Variants in ZNF92 observed in about 807,000 individuals in gnomAD.
ZNF92 encodes the protein epididymis luminal protein 203.
Under a neutral mutation model 12.4 loss-of-function variants are expected in ZNF92, and 11 were observed. The ratio of observed to expected loss-of-function variants is 0.89; its 90% CI spans 0.56 to 1.47. ZNF92 has a LOEUF of 1.47. ZNF92 is among the 40% of genes most tolerant of loss of function. The pLI is 0.00. For synonymous variants in ZNF92, 206 were observed against 228.6 expected (o/e 0.90, Z 0.89); for missense variants, 622 against 681.0 (o/e 0.91, Z 0.96).
intron 1 of ZNF92, among the ~76,000 whole-genome samples, chr7:65,378,822 A>C (rs924554349): frequency 3.3e-5 from 5 of 152,162 alleles, no homozygotes; most frequent in Non-Finnish European, 7.4e-5. Context: ...TAAAATGTGC[A>C]GTCTTTATCT....
chr7:65,391,152 A>G (rs1793698986), intron 3 of ZNF92, among the ~76,000 whole-genome samples: 1 of 152,070 alleles, frequency 6.6e-6, no homozygotes, highest in Admixed American at 6.6e-5. Context: ...GTCTTGCTTC[A>G]TAACCCATTC....
At position 65,398,478 on chromosome 7, in the gene ZNF92, G is replaced by C; in HGVS notation, c.364G>C (p.Ala122Pro). 1.2e-6 allele frequency: 2 copies of C among 1,613,304 alleles called. No homozygotes were observed. Among genetic ancestry groups the C allele is most frequent in the Non-Finnish European group, 1.7e-6 (2 of 1,179,696 alleles). Reference protein sequence around the residue: ...QLRKDHKSVDACKVYKGGYNG... With the variant: ...QLRKDHKSVDPCKVYKGGYNG... ...AAGAAAAGACCATAAAAGTGTGGAT[G>C]CATGTAAGGTGTACAAAGGAGGTTA... The change falls in exon 4 of 4, where the codon GCA becomes CCA. Residue 122 changes from alanine (A) to proline (P), a missense_variant. Physicochemically the swap from Ala to Pro is conservative, Grantham distance 27. Coordinates refer to ENST00000328747, the MANE Select transcript of ZNF92 (RefSeq NM_152626.4).
At chr7:65,391,506 A>G (rs1793707427) in intron 3 of ZNF92, among the ~76,000 whole-genome samples, 1 of 152,128 alleles carries the variant, frequency 6.6e-6, no homozygotes, top group Non-Finnish European at 1.5e-5. Flanking sequence ...TATAAATTTA[A>G]GTTTGCGGCA....
chr7:65,391,040 C>T (rs1250960065), intron 3 of ZNF92, among the ~76,000 whole-genome samples: 1 of 152,062 alleles, frequency 6.6e-6, no homozygotes, highest in East Asian at 1.9e-4. Flanking sequence ...TGAATGAGGG[C>T]CTGCCTTCTA....
chr7:65,377,421 C>T (rs867391941), intron 1 of ZNF92, among the ~76,000 whole-genome samples: 1 of 152,048 alleles, frequency 6.6e-6, no homozygotes, highest in South Asian at 2.1e-4. Flanking sequence ...GCTGGGGACC[C>T]ACAGGCAGAT....
intron 2 of ZNF92, 73 bp downstream of exon 2, chr7:65,388,101 G>T: frequency 6.7e-7 from 1 of 1,482,416 alleles, no homozygotes; most frequent in Non-Finnish European, 9.0e-7. Context: ...AATGTTTTTT[G>T]GTAATTTATG....
At chr7:65,394,171 T>C (rs1793792185) in intron 3 of ZNF92, among the ~76,000 whole-genome samples, 1 of 152,142 alleles carries the variant, frequency 6.6e-6, no homozygotes. Context: ...CTTTCCTCTA[T>C]ATTGTTCCTA....
intron 3 of ZNF92, among the ~76,000 whole-genome samples, chr7:65,389,293 C>T (rs1196585175): frequency 6.6e-6 from 1 of 151,820 alleles, no homozygotes; most frequent in Non-Finnish European, 1.5e-5. Context: ...GAAGCTGTTT[C>T]CAAAAAAAAT....
chr7:65,395,815 C>G (rs914344941), intron 3 of ZNF92, among the ~76,000 whole-genome samples: 1 of 152,112 alleles, frequency 6.6e-6, no homozygotes, highest in African/African-American at 2.4e-5. Flanking sequence ...ATTGTGGTTG[C>G]AATTTGTATA....
intron 1 of ZNF92, among the ~76,000 whole-genome samples, chr7:65,380,624 A>G (rs568775973): frequency 6.6e-6 from 1 of 152,172 alleles, no homozygotes; most frequent in South Asian, 2.1e-4. Flanking sequence ...GGTTAATTCC[A>G]TGTCTTTGGT....
At chr7:65,392,142 ATG>A (rs1363212306) in intron 3 of ZNF92, among the ~76,000 whole-genome samples, 1 of 152,030 alleles carries the variant, frequency 6.6e-6, no homozygotes, top group Non-Finnish European at 1.5e-5. Context: ...CTGATTATAT[ATG>A]TGTGTGTTTT....
At chr7:65,387,775 C>T (rs894311642) in intron 1 of ZNF92, 127 bp from the exon 2 acceptor site, 4 of 1,090,236 alleles carry the variant, frequency 3.7e-6, no homozygotes, top group African/African-American at 1.6e-5. Flanking sequence ...TGGATCATTT[C>T]AGTCACTCCT....
intron 2 of ZNF92, 137 bp downstream of exon 2, chr7:65,388,165 G>A (rs142803286): frequency 1.0e-6 from 1 of 952,758 alleles, no homozygotes; most frequent in Admixed American, 2.9e-5. Context: ...AGATTTGTCA[G>A]TATAGAAAAG....
intron 1 of ZNF92, among the ~76,000 whole-genome samples, chr7:65,381,116 C>G (rs180765183): frequency 6.6e-6 from 1 of 152,092 alleles, no homozygotes; most frequent in African/African-American, 2.4e-5. Context: ...TGGGTTCAAG[C>G]AATTCTCCCT....
At chr7:65,385,466 TGTTAA>T (rs1226650403) in intron 1 of ZNF92, among the ~76,000 whole-genome samples, 1 of 151,804 alleles carries the variant, frequency 6.6e-6, no homozygotes, top group African/African-American at 2.4e-5. Context: ...CATTCGTGAG[TGTTAA>T]GTTCTATCTT....
intron 3 of ZNF92, among the ~76,000 whole-genome samples, chr7:65,392,036 G>C (rs1176163012): frequency 1.3e-5 from 2 of 151,948 alleles, no homozygotes; most frequent in Non-Finnish European, 2.9e-5. Flanking sequence ...TTTGTTTCTT[G>C]TTTTTACGGT....
chr7:65,381,727 G>A (rs779243526), intron 1 of ZNF92, among the ~76,000 whole-genome samples: 2 of 152,070 alleles, frequency 1.3e-5, no homozygotes, highest in Non-Finnish European at 2.9e-5. Flanking sequence ...TGTAAGCAGG[G>A]AGTCCAGTTT....
intron 1 of ZNF92, among the ~76,000 whole-genome samples, chr7:65,376,734 C>T (rs776858466): frequency 3.3e-5 from 5 of 152,248 alleles, no homozygotes; most frequent in South Asian, 2.1e-4. Context: ...CGTGAGCCAC[C>T]GCGCCTAGCC....
intron 3 of ZNF92, 29 bp downstream of exon 3, chr7:65,388,930 A>C: frequency 6.5e-7 from 1 of 1,534,264 alleles, no homozygotes; most frequent in African/African-American, 1.4e-5. Flanking sequence ...AACAGACAAC[A>C]CAAATGAGAG....
Sources: allele counts gnomAD v4.1 joint callset (sites outside exome capture counted in the v4.1 genomes callset), GRCh38; gene constraint gnomAD v4.1.1; transcripts MANE v1.5; gene names NCBI Gene and HGNC (gene_info 2026-07-23, HGNC 2026-07-21).